Variants in CDH13 observed in about 807,000 individuals in gnomAD.
CDH13 encodes the protein cadherin-13.
A neutral mutation model predicts 63.8 loss-of-function variants in CDH13; 24 were observed. That is an observed-to-expected ratio of 0.38 (90% confidence interval 0.27 to 0.53). The LOEUF is 0.53. Among genes scored for constraint, CDH13 ranks in the 20% least tolerant of loss-of-function variants. CDH13 has a pLI of 0.85. For missense variants in CDH13, 1,049 were observed against 903.1 expected (o/e 1.16, Z -2.07); for synonymous variants, 503 against 355.3 (o/e 1.42, Z -4.67).
At chr16:83,742,696 A>T (rs904729767) in intron 10 of CDH13, among the ~76,000 whole-genome samples, 2 of 152,166 alleles carry the variant, frequency 1.3e-5, no homozygotes, top group African/African-American at 4.8e-5. Context: ...CGTGGTCTTG[A>T]GCTGTTCTCC....
At chr16:83,380,551 C>G (rs1387040837) in intron 6 of CDH13, among the ~76,000 whole-genome samples, 1 of 152,130 alleles carries the variant, frequency 6.6e-6, no homozygotes, top group Non-Finnish European at 1.5e-5. Context: ...TTCTTTTTAT[C>G]ACATAAAAGA....
At chr16:83,192,008 G>A (rs1397552854) in intron 4 of CDH13, among the ~76,000 whole-genome samples, 1 of 152,112 alleles carries the variant, frequency 6.6e-6, no homozygotes, top group Non-Finnish European at 1.5e-5. Context: ...GAATTGATAT[G>A]ACGGTTAAAG....
At chr16:83,469,708 G>C (rs1226287858) in intron 6 of CDH13, among the ~76,000 whole-genome samples, 3 of 152,172 alleles carry the variant, frequency 2.0e-5, no homozygotes, top group Non-Finnish European at 4.4e-5. Context: ...CACTAGCACA[G>C]GGCCTGCCAC....
chr16:83,116,294 C>T (rs751907034), intron 3 of CDH13, among the ~76,000 whole-genome samples: 3 of 152,188 alleles, frequency 2.0e-5, no homozygotes, highest in African/African-American at 4.8e-5. Context: ...AGCATCCATA[C>T]CTCACGGGGA....
chr16:82,995,245 C>T (rs958606597), intron 2 of CDH13, among the ~76,000 whole-genome samples: 4 of 152,262 alleles, frequency 2.6e-5, no homozygotes, highest in Middle Eastern at 3.4e-3. Flanking sequence ...CTATAGTCAT[C>T]CTCCGTTTTG....
intron 1 of CDH13, among the ~76,000 whole-genome samples, chr16:82,655,855 T>A (rs1911234500): frequency 6.6e-6 from 1 of 152,046 alleles, no homozygotes; most frequent in Admixed American, 6.6e-5. Context: ...TAGGAAGCAA[T>A]GCCTTCGGGT....
At chr16:83,037,603 G>T (rs188627800) in intron 3 of CDH13, among the ~76,000 whole-genome samples, 1 of 152,166 alleles carries the variant, frequency 6.6e-6, no homozygotes, top group African/African-American at 2.4e-5. Context: ...AGGGAAAGAC[G>T]TCTAGTCAGG....
At chr16:83,079,090 C>A (rs1318020744) in intron 3 of CDH13, among the ~76,000 whole-genome samples, 1 of 152,102 alleles carries the variant, frequency 6.6e-6, no homozygotes, top group African/African-American at 2.4e-5. Flanking sequence ...CCATTGTGCC[C>A]GGCCCAGGTT....
At chr16:82,836,180 G>T (rs938998728) in intron 1 of CDH13, among the ~76,000 whole-genome samples, 3 of 152,124 alleles carry the variant, frequency 2.0e-5, no homozygotes, top group African/African-American at 4.8e-5. Context: ...AGACTGGAGT[G>T]CATTGGCGCC....
chr16:82,894,194 A>G (rs2041173138), intron 2 of CDH13, among the ~76,000 whole-genome samples: 2 of 152,110 alleles, frequency 1.3e-5, no homozygotes, highest in African/African-American at 4.8e-5. Flanking sequence ...GGCTCAAGCA[A>G]TCCACCTGTC....
intron 7 of CDH13, among the ~76,000 whole-genome samples, chr16:83,599,681 C>T (rs1324772269): frequency 6.6e-6 from 1 of 151,878 alleles, no homozygotes; most frequent in African/African-American, 2.4e-5. Flanking sequence ...TTGTAGGCAA[C>T]CCTTAAAATA....
At chr16:82,853,819 A>G (rs576412968) in intron 1 of CDH13, among the ~76,000 whole-genome samples, 45 of 152,348 alleles carry the variant, frequency 3.0e-4, no homozygotes, top group African/African-American at 8.7e-4. Flanking sequence ...TTGCCGTGGC[A>G]TTAAAGATAA....
chr16:83,061,526 C>T (rs562054891), intron 3 of CDH13, among the ~76,000 whole-genome samples: 1 of 152,266 alleles, frequency 6.6e-6, no homozygotes, highest in Admixed American at 6.5e-5. Flanking sequence ...AAAAATTCTT[C>T]CAGCTCACCC....
chr16:83,466,611 G>A (rs1219846679), intron 6 of CDH13, among the ~76,000 whole-genome samples: 2 of 152,180 alleles, frequency 1.3e-5, no homozygotes, highest in Non-Finnish European at 2.9e-5. Context: ...GGGCCTCAAT[G>A]TGTACAGCTC....
chr16:83,656,865 C>A (rs571381539), intron 8 of CDH13, among the ~76,000 whole-genome samples: 1 of 152,314 alleles, frequency 6.6e-6, no homozygotes, highest in South Asian at 2.1e-4. Context: ...GGCATTTCAT[C>A]TCTCCAAGTC....
At chr16:83,424,074 C>A (rs1023136685) in intron 6 of CDH13, among the ~76,000 whole-genome samples, 34 of 151,948 alleles carry the variant, frequency 2.2e-4, no homozygotes, top group Non-Finnish European at 4.1e-4. Context: ...AGAGGGAAAT[C>A]CAACAGGGAC....
chr16:83,037,775 G>A (rs975416130), intron 3 of CDH13, among the ~76,000 whole-genome samples: 6 of 152,148 alleles, frequency 3.9e-5, no homozygotes, highest in Admixed American at 1.3e-4. Flanking sequence ...TCAAATTTCT[G>A]CTATGCCACT....
intron 7 of CDH13, among the ~76,000 whole-genome samples, chr16:83,588,844 C>A (rs902449367): frequency 6.6e-6 from 1 of 152,162 alleles, no homozygotes. Context: ...GGCAGGTGGG[C>A]GAGGAATGAG....
intron 8 of CDH13, among the ~76,000 whole-genome samples, chr16:83,604,761 G>A (rs763917609): frequency 2.6e-5 from 4 of 152,066 alleles, no homozygotes; most frequent in Non-Finnish European, 2.9e-5. Flanking sequence ...TTAACGATGG[G>A]AACAAAAATA....
Sources: gnomAD v4.1 joint callset for allele counts (sites outside exome capture counted in the v4.1 genomes callset) on GRCh38, gnomAD v4.1.1 for gene constraint, MANE v1.5 for transcripts, NCBI Gene and HGNC (gene_info 2026-07-23, HGNC 2026-07-21) for gene names.